GAB2: variants seen among roughly 807,000 people sequenced by gnomAD.
GAB2 encodes GRB2 associated binding protein 2.
GAB2 carries 26 observed loss-of-function variants against 65.5 expected under a neutral mutation model. The ratio of observed to expected loss-of-function variants is 0.40; its 90% CI spans 0.29 to 0.55. The LOEUF (loss-of-function observed/expected upper bound fraction) is 0.55. GAB2 is among the 20% of genes least tolerant of loss of function. The probability of loss-of-function intolerance (pLI) is 0.53; values close to 1 mark genes in which losing one functional copy is unlikely to be tolerated. For synonymous variants in GAB2, 321 were observed against 329.6 expected, an observed-to-expected ratio of 0.97 and a Z score of 0.28; for missense variants, 884 against 875.8, an observed-to-expected ratio of 1.01 and a Z score of -0.12.
chr11:78,306,133 C>G (rs1243058117), intron 1 of GAB2, among the ~76,000 whole-genome samples: 1 of 152,162 alleles, frequency 6.6e-6, no homozygotes, highest in Non-Finnish European at 1.5e-5. Context: ...CAACTTTACC[C>G]CAAATGGACA....
chr11:78,405,070 G>A (rs983563520), intron 1 of GAB2, among the ~76,000 whole-genome samples: 4 of 147,126 alleles, frequency 2.7e-5, no homozygotes, highest in Non-Finnish European at 4.5e-5. Context: ...CTAATCCACA[G>A]AATGTGGGGA....
intron 3 of GAB2, among the ~76,000 whole-genome samples, chr11:78,231,373 G>GAGTCTC (rs1470522720): frequency 5.3e-5 from 8 of 151,708 alleles, no homozygotes; most frequent in Non-Finnish European, 1.2e-4. Context: ...GTGTGTGTCG[G>GAGTCTC]AGTCTCATTC....
intron 2 of GAB2, among the ~76,000 whole-genome samples, chr11:78,280,171 G>A (rs1413205644): frequency 1.3e-5 from 2 of 152,146 alleles, no homozygotes; most frequent in African/African-American, 4.8e-5. Context: ...GCACAAACAA[G>A]GGTCAAGTGT....
intron 3 of GAB2, among the ~76,000 whole-genome samples, chr11:78,227,749 A>G (rs1864724106): frequency 1.3e-5 from 2 of 152,172 alleles, no homozygotes; most frequent in Non-Finnish European, 2.9e-5. Flanking sequence ...AGAGTGAGCT[A>G]TGATCGCACC....
chr11:78,236,784 T>A (rs972858907), intron 3 of GAB2, among the ~76,000 whole-genome samples: 1 of 152,192 alleles, frequency 6.6e-6, no homozygotes, highest in African/African-American at 2.4e-5. Context: ...TGTTTTTTTT[T>A]TGAAGTCAAA....
intron 1 of GAB2, among the ~76,000 whole-genome samples, chr11:78,378,283 A>C (rs994470536): frequency 1.3e-5 from 2 of 152,182 alleles, no homozygotes; most frequent in African/African-American, 4.8e-5. Context: ...GCAGTATGAG[A>C]TACAATGAGC....
chr11:78,231,840 G>T (rs943152373), intron 3 of GAB2: 1 of 152,142 alleles, frequency 6.6e-6, no homozygotes. Flanking sequence ...TCCCATTTAA[G>T]GGTGACTTAA....
intron 1 of GAB2, among the ~76,000 whole-genome samples, chr11:78,369,595 G>A (rs376359998): frequency 2.6e-5 from 4 of 152,324 alleles, no homozygotes; most frequent in African/African-American, 7.2e-5. Flanking sequence ...CAAAACAGGT[G>A]TGTTGGTCAC....
chr11:78,369,536 G>T (rs1337833746), intron 1 of GAB2, among the ~76,000 whole-genome samples: 2 of 152,160 alleles, frequency 1.3e-5, no homozygotes, highest in Non-Finnish European at 2.9e-5. Flanking sequence ...TCGCCTAAGG[G>T]CAGATTATCT....
chr11:78,218,559 GT>G lies in GAB2; in HGVS notation c.*712del. On this transcript the variant is annotated 3_prime_UTR_variant, in exon 10 of 10. Transcript: ENST00000361507. ...CCTTGCTGCTCTAGGTTGGCCATCA[GT>G]TTTCCCTTCCTTTTGTCCTTCATCT... The G allele has an allele frequency of 6.5e-6, 1 of 153,308 alleles. No individual in the cohort carries two copies. The highest frequency in any genetic ancestry group is 1.5e-5 in the Non-Finnish European group (1 of 68,708). 9.5% of individuals were successfully genotyped at this position (153,308 alleles called of 1,614,324 possible).
chr11:78,394,159 G>C (rs954347530), intron 1 of GAB2, among the ~76,000 whole-genome samples: 4 of 152,166 alleles, frequency 2.6e-5, no homozygotes, highest in Non-Finnish European at 5.9e-5. Flanking sequence ...GTGGTGGCAC[G>C]CATCTCTAGT....
intron 1 of GAB2, among the ~76,000 whole-genome samples, chr11:78,323,334 A>C (rs1335746635): frequency 6.6e-6 from 1 of 152,116 alleles, no homozygotes; most frequent in Non-Finnish European, 1.5e-5. Flanking sequence ...ACATGGTGAA[A>C]TCCCATCTCT....
chr11:78,417,744 C>G lies in GAB2; in HGVS notation c.-24G>C. On this transcript the variant is annotated 5_prime_UTR_variant, in exon 1 of 10. Coordinates refer to ENST00000361507, the MANE Select transcript of GAB2 (RefSeq NM_080491.3). ...ATGCTGCCGGCCTGGAGCCCCCCGC[C>G]GGGTCGCGCGGACGAGGGCGCGGGC... The G allele has an allele frequency of 8.2e-7, 1 of 1,218,272 alleles. No homozygotes were observed. The highest frequency in any genetic ancestry group is 1.0e-6 in the Non-Finnish European group (1 of 955,960). The allele number at this position is 1,218,272 out of a possible 1,614,324, so 75.5% of individuals were successfully genotyped here.
At chr11:78,406,221 T>C (rs1267656026) in intron 1 of GAB2, among the ~76,000 whole-genome samples, 1 of 152,142 alleles carries the variant, frequency 6.6e-6, no homozygotes, top group Non-Finnish European at 1.5e-5. Context: ...GGAGTGTCAA[T>C]GGAGGTGGAA....
chr11:78,372,352 G>A (rs1297415265), intron 1 of GAB2, among the ~76,000 whole-genome samples: 2 of 152,110 alleles, frequency 1.3e-5, no homozygotes, highest in African/African-American at 4.8e-5. Context: ...CAACGACAAA[G>A]GCAGTAAATA....
At chr11:78,405,986 A>G (rs770157690) in intron 1 of GAB2, among the ~76,000 whole-genome samples, 17 of 152,240 alleles carry the variant, frequency 1.1e-4, no homozygotes, top group Non-Finnish European at 1.9e-4. Flanking sequence ...CCTCACCCAC[A>G]GCAGCAAAAA....
intron 2 of GAB2, among the ~76,000 whole-genome samples, chr11:78,264,603 C>T (rs902091746): frequency 2.0e-5 from 3 of 151,482 alleles, no homozygotes; most frequent in African/African-American, 7.3e-5. Context: ...GTCGGGGTTT[C>T]GCCATGTTGG....
At chr11:78,235,340 G>C (rs1402915690) in intron 3 of GAB2, among the ~76,000 whole-genome samples, 1 of 151,944 alleles carries the variant, frequency 6.6e-6, no homozygotes, top group African/African-American at 2.4e-5. Context: ...TTTGAGTAGA[G>C]ATGGGGTTTC....
chr11:78,395,181 C>T (rs1242628860), intron 1 of GAB2, among the ~76,000 whole-genome samples: 1 of 152,206 alleles, frequency 6.6e-6, no homozygotes, highest in African/African-American at 2.4e-5. Flanking sequence ...AGGCCAGGCG[C>T]GGCGGCTCAC....
Sources: allele counts gnomAD v4.1 joint callset (sites outside exome capture counted in the v4.1 genomes callset), GRCh38; gene constraint gnomAD v4.1.1; transcripts MANE v1.5; gene names NCBI Gene and HGNC (gene_info 2026-07-23, HGNC 2026-07-21).